Variants in USP4 observed in about 807,000 individuals in gnomAD.
USP4 encodes ubiquitin carboxyl-terminal hydrolase 4.
USP4 carries 72 observed loss-of-function variants against 118.2 expected under a neutral mutation model. The ratio of observed to expected loss-of-function variants is 0.61; its 90% CI spans 0.50 to 0.74. The LOEUF (loss-of-function observed/expected upper bound fraction) is 0.74, where lower values mean the gene tolerates loss of function less well. Ranked by LOEUF, USP4 falls within the 30% of genes least tolerant of loss-of-function variation. The probability of loss-of-function intolerance (pLI) is 0.00; values close to 1 mark genes in which losing one functional copy is unlikely to be tolerated. For synonymous variants in USP4, 415 were observed against 440.4 expected, an observed-to-expected ratio of 0.94 and a Z score of 0.72; for missense variants, 1,037 against 1,185.7, an observed-to-expected ratio of 0.87 and a Z score of 1.84.
intron 2 of USP4, among the ~76,000 whole-genome samples, chr3:49,332,213 G>A (rs1206608572): frequency 6.6e-6 from 1 of 152,054 alleles, no homozygotes; most frequent in Non-Finnish European, 1.5e-5. Context: ...GGAGGTGGAG[G>A]TTGCAGTGAG....
intron 8 of USP4, among the ~76,000 whole-genome samples, chr3:49,308,079 A>G (rs980241856): frequency 2.0e-5 from 3 of 151,906 alleles, no homozygotes; most frequent in Non-Finnish European, 4.4e-5. Context: ...GAGGTAATCT[A>G]TTTGCCCCTG....
intron 13 of USP4, among the ~76,000 whole-genome samples, chr3:49,295,146 G>A (rs555181330): frequency 5.9e-5 from 9 of 151,958 alleles, no homozygotes; most frequent in East Asian, 1.9e-4. Flanking sequence ...ACAATTAGAC[G>A]GGCATGGTGG....
At chr3:49,327,852 T>C in intron 2 of USP4, 36 bp from the exon 3 acceptor site, 1 of 1,591,194 alleles carries the variant, frequency 6.3e-7, no homozygotes, top group South Asian at 1.1e-5. Context: ...TCACTGCTCT[T>C]TACCCCAGAA....
Position 49,290,436 on chromosome 3 carries a change from C to T in USP4, c.1972+2074G>A, listed in dbSNP as rs114256825. ...TAGAAATAAATTAATTAGTTAAAGT[C>T]AGTTCTCACTTTCTAGGACTGCATG... On this transcript the variant is annotated intron_variant, in intron 15 of 21. Coordinates refer to ENST00000265560, the MANE Select transcript of USP4 (RefSeq NM_003363.4). Among the ~76,000 whole-genome samples the T allele has an allele frequency of 6.5e-3, 997 of 152,288 alleles. 9 individuals carry two copies. Among genetic ancestry groups the T allele is most frequent in the African/African-American group, 0.023 (953 of 41,570 alleles).
At chr3:49,279,832 G>A (rs960515785) in intron 20 of USP4, among the ~76,000 whole-genome samples, 2 of 152,272 alleles carry the variant, frequency 1.3e-5, no homozygotes, top group African/African-American at 2.4e-5. Flanking sequence ...TAGCAGCAAC[G>A]GTGGCTTTCA....
At position 49,284,004 on chromosome 3, in the gene USP4, G is replaced by A. The variant is rs139828327; in HGVS notation, c.2523C>T (p.Val841=). The stretch of plus-strand genomic sequence containing the variant: ...TGACCCACCTGATTGGGAATTCTAC[G>A]ACTGTGTCGAGCTTATCCCTCCAGT... ...NRYWRDKLDT[V]VEFPIRGLNM... is the part of the protein sequence containing the mutation. The change falls in exon 19 of 22, where the codon GTC becomes GTT. Residue 841 remains valine (V), a synonymous_variant. Coordinates refer to ENST00000265560, the MANE Select transcript of USP4 (RefSeq NM_003363.4). The A allele has an allele frequency of 2.2e-4, 349 of 1,614,210 alleles. 4 individuals are homozygous for A. The highest frequency in any genetic ancestry group is 1.6e-3 in the South Asian group (150 of 91,076).
chr3:49,300,047 C>A (rs146348033), intron 11 of USP4, among the ~76,000 whole-genome samples: 3 of 152,012 alleles, frequency 2.0e-5, no homozygotes, highest in African/African-American at 7.2e-5. Flanking sequence ...GGAGTTCTGG[C>A]CAACAAGGTA....
At chr3:49,319,673 G>A (rs1297636438) in intron 6 of USP4, among the ~76,000 whole-genome samples, 2 of 150,878 alleles carry the variant, frequency 1.3e-5, no homozygotes, top group Non-Finnish European at 2.9e-5. Context: ...GAGTGCAATG[G>A]TGCCATCTCA....
rs181407440 is a variant in USP4, at chr3:49,324,281, G to A, written c.695+421C>T. Among the ~76,000 whole-genome samples the A allele has an allele frequency of 3.4e-3, 520 of 152,258 alleles. 1 individual carries two copies. Among genetic ancestry groups the A allele is most frequent in the Non-Finnish European group, 5.4e-3 (366 of 68,028 alleles). On this transcript the variant is annotated intron_variant, in intron 6 of 21. Transcript: ENST00000265560. ...CTCAAAGTGCTGAGCTTACAGGCAT[G>A]AGCCACCATGCTCAGGCCTCAACTA...
chr3:49,284,788 C>A, intron 17 of USP4, 61 bp downstream of exon 17: 1 of 1,487,894 alleles, frequency 6.7e-7, no homozygotes, highest in South Asian at 1.1e-5. Context: ...AAAGTGATCG[C>A]AGTCCACATC....
At chr3:49,330,084 T>C (rs968049512) in intron 2 of USP4, among the ~76,000 whole-genome samples, 2 of 151,808 alleles carry the variant, frequency 1.3e-5, no homozygotes, top group Admixed American at 6.6e-5. Flanking sequence ...GGCAGGAGAA[T>C]TGCTTGAACC....
Position 49,339,978 on chromosome 3 carries a change from T to C in USP4, c.47A>G (p.Gln16Arg), listed in dbSNP as rs1249445330. ...CATTAAGGGTCCAAGCTCGGACTTC[T>C]GAGTCTCCGCATCCGGTCGCTCACG... ...GCRERPDAET[Q>R]KSELGPLMRT... The change falls in exon 1 of 22, where the codon CAG (glutamine) becomes CGG (arginine). Residue 16 changes from glutamine to arginine, a missense_variant. Around this residue, in one of 3 missense-constraint regions of USP4, gnomAD observed 487 missense variants for 534.1 expected, o/e 0.91. Transcript: ENST00000265560. The C allele has an allele frequency of 1.9e-6, 3 of 1,612,536 alleles. No individual in the cohort carries two copies. Among genetic ancestry groups the C allele is most frequent in the Admixed American group, 1.7e-5 (1 of 60,020 alleles).
chr3:49,299,825 C>T (rs1575606962), intron 11 of USP4, among the ~76,000 whole-genome samples: 1 of 152,340 alleles, frequency 6.6e-6, no homozygotes, highest in East Asian at 1.9e-4. Flanking sequence ...TCTGTACAGG[C>T]TGTCCTAGGT....
chr3:49,339,740 A>G (rs551111712), intron 1 of USP4, among the ~76,000 whole-genome samples, 184 bp downstream of exon 1: 1 of 152,216 alleles, frequency 6.6e-6, no homozygotes, highest in Admixed American at 6.5e-5. Context: ...GACGACACTC[A>G]GGCCCCGCCT....
intron 1 of USP4, among the ~76,000 whole-genome samples, chr3:49,337,956 G>A (rs1186426623): frequency 2.1e-5 from 3 of 144,594 alleles, no homozygotes; most frequent in Non-Finnish European, 4.5e-5. Context: ...TGAAGCAGGA[G>A]AATCGCTTGA....
intron 10 of USP4, 36 bp downstream of exon 10, chr3:49,302,348 T>C (rs550264639): frequency 1.2e-6 from 2 of 1,602,762 alleles, no homozygotes; most frequent in East Asian, 4.5e-5. Context: ...GCAGCTTCTT[T>C]GGCATATTAT....
intron 20 of USP4, 88 bp downstream of exon 20, chr3:49,280,656 G>A: frequency 9.7e-7 from 1 of 1,034,192 alleles, no homozygotes; most frequent in Non-Finnish European, 1.5e-6. Flanking sequence ...CATAAGCAAA[G>A]CATTTAGGGC....
At chr3:49,282,431 T>A (rs559004022) in intron 19 of USP4, among the ~76,000 whole-genome samples, 1 of 150,532 alleles carries the variant, frequency 6.6e-6, no homozygotes, top group African/African-American at 2.4e-5. Flanking sequence ...TGCGCCACCA[T>A]GCCTAGCTAA....
chr3:49,316,216 A>G (rs2047434028), intron 6 of USP4, among the ~76,000 whole-genome samples: 1 of 152,118 alleles, frequency 6.6e-6, no homozygotes, highest in Non-Finnish European at 1.5e-5. Flanking sequence ...AAAATAAAAT[A>G]AAGACTGACC....
Sources: gnomAD v4.1 joint callset for allele counts (sites outside exome capture counted in the v4.1 genomes callset) on GRCh38, gnomAD v4.1.1 for gene constraint, gnomAD v4.1.1 regional missense constraint, MANE v1.5 for transcripts, NCBI Gene and HGNC (gene_info 2026-07-23, HGNC 2026-07-21) for gene names.